The following MTHFD1L variants were observed in gnomAD, a reference collection of about 807,000 sequenced individuals.
The protein encoded by MTHFD1L is monofunctional C1-tetrahydrofolate synthase, mitochondrial.
Under a neutral mutation model 119.5 loss-of-function variants are expected in MTHFD1L, and 81 were observed. The observed-to-expected ratio is 0.68, with a 90% CI of 0.57 to 0.82. The LOEUF is 0.82. MTHFD1L is among the 40% of genes least tolerant of loss of function. MTHFD1L has a pLI of 0.00. For synonymous variants in MTHFD1L, 430 were observed against 475.2 expected, an observed-to-expected ratio of 0.90 and a Z score of 1.24; for missense variants, 1,125 against 1,253.4, an observed-to-expected ratio of 0.90 and a Z score of 1.55.
At position 151,013,274 on chromosome 6, in the gene MTHFD1L, G is replaced by A. The variant is rs950269919; in HGVS notation, c.2266-505G>A. ...ACACACCTGTATTCCTAGCTACTGG[G>A]GAGGCTGAGGCAGGAGGATCACTTG... is the stretch of plus-strand genomic sequence containing the variant. On this transcript the variant is annotated intron_variant, in intron 21 of 27. Transcript: ENST00000367321. 1.2e-4 allele frequency among the ~76,000 whole-genome samples: 19 copies of A among 152,094 alleles called. 1 individual carries two copies. The highest frequency in any genetic ancestry group is 2.9e-5 in the Non-Finnish European group (2 of 68,020).
At chr6:151,094,065 C>G (rs1048680334) in intron 27 of MTHFD1L, among the ~76,000 whole-genome samples, 9 of 152,174 alleles carry the variant, frequency 5.9e-5, no homozygotes, top group African/African-American at 1.9e-4. Flanking sequence ...GAGACAACTC[C>G]TAATCAGAAG....
At chr6:151,027,730 A>AT (rs1352487149) in intron 24 of MTHFD1L, among the ~76,000 whole-genome samples, 1 of 151,920 alleles carries the variant, frequency 6.6e-6, no homozygotes, top group Non-Finnish European at 1.5e-5. Context: ...AATAGATTGC[A>AT]TGCAAGGGGA....
At chr6:151,090,307 C>G (rs1794256889) in intron 26 of MTHFD1L, among the ~76,000 whole-genome samples, 1 of 152,226 alleles carries the variant, frequency 6.6e-6, no homozygotes, top group South Asian at 2.1e-4. Context: ...CTCCCTTTCC[C>G]TGTGCTGAAG....
chr6:151,064,196 C>T (rs12205664), intron 26 of MTHFD1L, among the ~76,000 whole-genome samples: 4,796 of 152,240 alleles, frequency 0.032, 102 homozygotes, highest in Middle Eastern at 0.065. Context: ...TCTTTATAAT[C>T]TCTGATTTCA....
chr6:150,883,037 A>ATTT, intron 5 of MTHFD1L, 151 bp downstream of exon 5: 11 of 613,082 alleles, frequency 1.8e-5, no homozygotes, highest in Admixed American at 4.8e-5. Flanking sequence ...AGTCTATAGG[A>ATTT]TTTTTTTTTT....
chr6:150,978,425 A>AAG (rs1776954531), intron 20 of MTHFD1L, among the ~76,000 whole-genome samples: 1 of 152,230 alleles, frequency 6.6e-6, no homozygotes, highest in Non-Finnish European at 1.5e-5. Flanking sequence ...CTCTGTAGAG[A>AAG]ATCACACAGA....
At chr6:150,975,029 C>G (rs6927508) in intron 20 of MTHFD1L, among the ~76,000 whole-genome samples, 19 of 151,668 alleles carry the variant, frequency 1.3e-4, no homozygotes, top group Non-Finnish European at 2.4e-4. Context: ...TGAGCCACCA[C>G]ACCCGGCTAG....
chr6:150,972,170 C>A, intron 20 of MTHFD1L, 112 bp downstream of exon 20: 1 of 914,340 alleles, frequency 1.1e-6, no homozygotes, highest in Non-Finnish European at 1.7e-6. Context: ...TTTCAGGCAC[C>A]CTCTTTCATA....
chr6:151,056,996 G>T (rs1375156964), intron 26 of MTHFD1L, among the ~76,000 whole-genome samples: 1 of 152,084 alleles, frequency 6.6e-6, no homozygotes, highest in Non-Finnish European at 1.5e-5. Flanking sequence ...GTATTTTGGG[G>T]TTTTTTGCTT....
In MTHFD1L at chr6:151,069,631, C is replaced by T. The variant is rs9478166; in HGVS notation, c.2848-22836C>T. ...TGGCAACGCTCCTTCTTCCAGCTTGCCTCGGTGTTTCTGTAGTTAGCATCA... is the reference window on the plus strand; with the variant it reads ...TGGCAACGCTCCTTCTTCCAGCTTGTCTCGGTGTTTCTGTAGTTAGCATCA... On this transcript the variant is annotated intron_variant, in intron 26 of 27. Coordinates refer to ENST00000367321, the MANE Select transcript of MTHFD1L (RefSeq NM_015440.5). 4.9e-3 allele frequency among the ~76,000 whole-genome samples: 745 copies of T among 152,286 alleles called. 9 individuals carry two copies. The highest frequency in any genetic ancestry group is 0.017 in the African/African-American group (707 of 41,556).
At chr6:151,086,433 G>A (rs1584436467) in intron 26 of MTHFD1L, among the ~76,000 whole-genome samples, 1 of 152,116 alleles carries the variant, frequency 6.6e-6, no homozygotes, top group Admixed American at 6.6e-5. Flanking sequence ...CAAAGAAAAG[G>A]GAAGAGACAG....
chr6:150,875,942 C>T, intron 1 of MTHFD1L, 148 bp from the exon 2 acceptor site: 4 of 620,390 alleles, frequency 6.4e-6, no homozygotes, highest in Non-Finnish European at 1.2e-5. Flanking sequence ...ACGCCGCCTA[C>T]CCCCTCCACA....
At chr6:151,002,476 C>T (rs372881159) in intron 20 of MTHFD1L, among the ~76,000 whole-genome samples, 2 of 152,186 alleles carry the variant, frequency 1.3e-5, no homozygotes, top group Non-Finnish European at 2.9e-5. Flanking sequence ...TTTTCCCCAT[C>T]GTGTGCACAT....
intron 26 of MTHFD1L, among the ~76,000 whole-genome samples, chr6:151,071,187 C>T (rs752190614): frequency 4.6e-5 from 7 of 151,676 alleles, no homozygotes; most frequent in East Asian, 1.9e-4. Context: ...AAAATTACAT[C>T]GCAATTGATA....
At chr6:150,900,803 C>T (rs1489477646) in intron 7 of MTHFD1L, among the ~76,000 whole-genome samples, 1 of 151,958 alleles carries the variant, frequency 6.6e-6, no homozygotes, top group Non-Finnish European at 1.5e-5. Flanking sequence ...ATCACGAGGT[C>T]AGGAGATCGA....
At chr6:151,098,540 TC>T in intron 27 of MTHFD1L, among the ~76,000 whole-genome samples, 1 of 152,308 alleles carries the variant, frequency 6.6e-6, no homozygotes, top group East Asian at 1.9e-4. Flanking sequence ...ATAATCCTCA[TC>T]AACATCTAAA....
At chr6:150,951,052 T>TTTTTTTTTTTG in intron 16 of MTHFD1L, among the ~76,000 whole-genome samples, 1 of 151,212 alleles carries the variant, frequency 6.6e-6, no homozygotes, top group Non-Finnish European at 1.5e-5. Flanking sequence ...TTGTTTTTTT[T>TTTTTTTTTTTG]TTGAGACAGG....
Position 150,903,314 on chromosome 6 carries a change from G to A in MTHFD1L, c.781-2336G>A, listed in dbSNP as rs756665467. 3.4e-5 allele frequency among the ~76,000 whole-genome samples: 5 copies of A among 146,126 alleles called. No individual in the cohort carries two copies. The East Asian group carries it at 1.0e-3, about 30-fold the overall frequency. The stretch of plus-strand genomic sequence containing the variant: ...CTTCACTGCAACCTCTGCCTCCCAG[G>A]TTCAAGTGATTCTCATTTGGCTGCA... On this transcript the variant is annotated intron_variant, in intron 7 of 27. Transcript: ENST00000367321.
intron 26 of MTHFD1L, among the ~76,000 whole-genome samples, chr6:151,078,281 A>T (rs909330251): frequency 6.6e-6 from 1 of 152,096 alleles, no homozygotes; most frequent in African/African-American, 2.4e-5. Flanking sequence ...CTACAAAGAA[A>T]TAAAAGAAGA....
Sources: gnomAD v4.1 joint callset for allele counts (sites outside exome capture counted in the v4.1 genomes callset) on GRCh38, gnomAD v4.1.1 for gene constraint, MANE v1.5 for transcripts, NCBI Gene and HGNC (gene_info 2026-07-23, HGNC 2026-07-21) for gene names.